Variants in DOCK10 observed in about 807,000 individuals in gnomAD.
DOCK10 encodes dedicator of cytokinesis protein 10.
Under a neutral mutation model 280.1 loss-of-function variants are expected in DOCK10, and 145 were observed. The observed-to-expected ratio is 0.52, with a 90% CI of 0.45 to 0.59. DOCK10 has a LOEUF of 0.59. Among genes scored for constraint, DOCK10 ranks in the 20% least tolerant of loss-of-function variants. The probability of loss-of-function intolerance (pLI) is 0.00; values close to 1 mark genes in which losing one functional copy is unlikely to be tolerated. For synonymous variants in DOCK10, 915 were observed against 942.2 expected (o/e 0.97, Z 0.53); for missense variants, 2,368 against 2,651.7 (o/e 0.89, Z 2.35).
At chr2:224,868,387 T>C (rs1182910442) in intron 11 of DOCK10, among the ~76,000 whole-genome samples, 3 of 152,188 alleles carry the variant, frequency 2.0e-5, no homozygotes, top group Non-Finnish European at 2.9e-5. Context: ...AGTTACACAT[T>C]TATGTGATTA....
At chr2:224,975,987 TGCTGAGTGA>T (rs1705414829) in intron 1 of DOCK10, among the ~76,000 whole-genome samples, 2 of 152,152 alleles carry the variant, frequency 1.3e-5, no homozygotes, top group Admixed American at 1.3e-4. Flanking sequence ...CTCCCTATAT[TGCTGAGTGA>T]GTTACCCAGG....
At chr2:224,905,405 G>C (rs943137435) in intron 3 of DOCK10, among the ~76,000 whole-genome samples, 1 of 151,828 alleles carries the variant, frequency 6.6e-6, no homozygotes, top group Admixed American at 6.6e-5. Flanking sequence ...CCGCCACCGC[G>C]CCCGGCTAAT....
Position 225,035,560 on chromosome 2 carries a change from ATATATATATATATATATATATATATAT to A in DOCK10, c.123+6665_123+6691del, listed in dbSNP as rs1559986306. 2.4e-4 allele frequency among the ~76,000 whole-genome samples: 12 copies of A among 49,798 alleles called. 1 individual carries two copies. The highest frequency in any genetic ancestry group is 6.7e-4 in the African/African-American group (12 of 17,878). 32.7% of individuals were successfully genotyped at this position (49,798 alleles called of 152,430 possible). A position where few individuals can be genotyped will look rare whatever the true frequency, so the allele number is the denominator to read the frequency against. On this transcript the variant is annotated intron_variant, in intron 1 of 55. Coordinates refer to ENST00000258390, the MANE Select transcript of DOCK10 (RefSeq NM_014689.3). ...ATATATATTATATATATATATATATATATATATATATATATATATATATATATAACACTGAATCAGTGTTAATTGTGT... is the reference window on the plus strand; with the variant it reads ...ATATATATTATATATATATATATATAAACACTGAATCAGTGTTAATTGTGT...
At chr2:224,874,813 C>T in intron 8 of DOCK10, 62 bp from the exon 9 acceptor site, 4 of 1,464,810 alleles carry the variant, frequency 2.7e-6, no homozygotes, top group Non-Finnish European at 9.6e-7. Context: ...ATTCTTCTAG[C>T]CTGTGACATG....
intron 1 of DOCK10, among the ~76,000 whole-genome samples, chr2:224,950,959 G>A (rs956785807): frequency 6.6e-6 from 1 of 152,194 alleles, no homozygotes; most frequent in Non-Finnish European, 1.5e-5. Flanking sequence ...GACAGGTGAG[G>A]TTAAGGAAGG....
At chr2:224,983,668 C>T (rs1441950647) in intron 1 of DOCK10, 1 of 435,850 alleles carries the variant, frequency 2.3e-6, no homozygotes, top group South Asian at 1.7e-5. Flanking sequence ...GCATTAATTG[C>T]TCAGTAATCT....
At chr2:224,971,322 G>C (rs1039976735) in intron 1 of DOCK10, among the ~76,000 whole-genome samples, 2 of 152,066 alleles carry the variant, frequency 1.3e-5, no homozygotes, top group Non-Finnish European at 2.9e-5. Context: ...TGCAAGAGGG[G>C]AGGGGAGGTG....
intron 1 of DOCK10, among the ~76,000 whole-genome samples, chr2:224,962,916 T>G (rs535513820): frequency 1.3e-5 from 2 of 152,156 alleles, no homozygotes; most frequent in African/African-American, 4.8e-5. Flanking sequence ...ACAGTTGTAT[T>G]TTTTTTCTGC....
At position 224,886,048 on chromosome 2, in the gene DOCK10, T is replaced by C; in HGVS notation, c.612+15A>G. 1 of 1,613,770 alleles carries C rather than the reference T, an allele frequency of 6.2e-7. No individual in the cohort carries two copies. The highest frequency in any genetic ancestry group is 8.5e-7 in the Non-Finnish European group (1 of 1,179,822). ...AGGGTGACAGAGATAAAGATGAGTCTTGATATCTCCTTACCCGAACAGTAA... is the reference window on the plus strand; with the variant it reads ...AGGGTGACAGAGATAAAGATGAGTCCTGATATCTCCTTACCCGAACAGTAA... On this transcript the variant is annotated intron_variant, in intron 6 of 55. Transcript: ENST00000258390.
intron 1 of DOCK10, among the ~76,000 whole-genome samples, chr2:225,012,921 G>A (rs1047788138): frequency 6.6e-6 from 1 of 152,152 alleles, no homozygotes; most frequent in Non-Finnish European, 1.5e-5. Flanking sequence ...TTTAGCTTAT[G>A]TATTAAATAA....
In DOCK10 at chr2:224,834,255, G is replaced by C. The variant is rs755553028; in HGVS notation, c.2859C>G (p.Phe953Leu). The stretch of plus-strand genomic sequence containing the variant: ...TCCTCTCCTTGCATGCCCTGGTCTT[G>C]AACACGAACTGAAGAAAATCCAAAA... ...HSVQSYIKFVFKTRACKERTV... is the reference protein window; with the variant it reads ...HSVQSYIKFVLKTRACKERTV... Residue 953 changes from phenylalanine to leucine, a missense_variant, in exon 26 of 56, where the codon TTC becomes TTG. Around this residue, in one of 2 missense-constraint regions of DOCK10, gnomAD observed 1,209 missense variants for 1,250.9 expected, o/e 0.97. Coordinates refer to ENST00000258390, the MANE Select transcript of DOCK10 (RefSeq NM_014689.3). The C allele has an allele frequency of 1.9e-6, 3 of 1,593,554 alleles. 1 individual carries two copies. The highest frequency in any genetic ancestry group is 2.2e-5 in the East Asian group (1 of 44,740).
At chr2:224,878,781 T>G (rs1698793540) in intron 7 of DOCK10, among the ~76,000 whole-genome samples, 1 of 152,248 alleles carries the variant, frequency 6.6e-6, no homozygotes, top group Non-Finnish European at 1.5e-5. Context: ...CAAGTATTAT[T>G]TATTTCTTTG....
chr2:225,003,252 C>G (rs1307077668), intron 1 of DOCK10, among the ~76,000 whole-genome samples: 1 of 152,094 alleles, frequency 6.6e-6, no homozygotes, highest in East Asian at 1.9e-4. Flanking sequence ...ACCATGTTGC[C>G]CAGGCTGGTC....
chr2:225,010,370 G>T (rs1225610829), intron 1 of DOCK10: 1 of 152,030 alleles, frequency 6.6e-6, no homozygotes, highest in Non-Finnish European at 1.5e-5. Flanking sequence ...GAAGAACTGG[G>T]GAGGTGAATG....
chr2:224,921,522 G>C (rs1701753302), intron 2 of DOCK10, among the ~76,000 whole-genome samples: 2 of 151,612 alleles, frequency 1.3e-5, no homozygotes, highest in Admixed American at 6.6e-5. Flanking sequence ...AATTAATTCA[G>C]GCCGAGTTAC....
At chr2:224,951,121 G>A (rs1703702582) in intron 1 of DOCK10, among the ~76,000 whole-genome samples, 1 of 152,142 alleles carries the variant, frequency 6.6e-6, no homozygotes, top group South Asian at 2.1e-4. Context: ...ATTAGATAAC[G>A]TCCAGCAAGG....
At chr2:224,937,762 T>TTTATA (rs1163075041) in intron 1 of DOCK10, among the ~76,000 whole-genome samples, 1 of 152,212 alleles carries the variant, frequency 6.6e-6, no homozygotes, top group East Asian at 1.9e-4. Flanking sequence ...TTTTCATGTA[T>TTTATA]TTATACTTGC....
intron 45 of DOCK10, 108 bp from the exon 46 acceptor site, chr2:224,793,565 C>G (rs559862753): frequency 2.3e-5 from 17 of 738,996 alleles, no homozygotes; most frequent in Non-Finnish European, 3.4e-5. Flanking sequence ...TTAGAAGGAT[C>G]CTTTGTAATC....
chr2:224,822,999 T>C (rs1252456965), intron 28 of DOCK10, among the ~76,000 whole-genome samples: 7 of 151,506 alleles, frequency 4.6e-5, no homozygotes, highest in Admixed American at 4.6e-4. Flanking sequence ...TTCCTGTCTT[T>C]TTTTTTTTTG....
Sources: gnomAD v4.1 joint callset for allele counts (sites outside exome capture counted in the v4.1 genomes callset) on GRCh38, gnomAD v4.1.1 for gene constraint, gnomAD v4.1.1 regional missense constraint, MANE v1.5 for transcripts, NCBI Gene and HGNC (gene_info 2026-07-23, HGNC 2026-07-21) for gene names.